CLMN: variants seen among roughly 807,000 people sequenced by gnomAD.
The protein encoded by CLMN is calmin.
A neutral mutation model predicts 92.7 loss-of-function variants in CLMN; 57 were observed. That is an observed-to-expected ratio of 0.61 (90% confidence interval 0.50 to 0.77). CLMN has a LOEUF of 0.77. Ranked by LOEUF, CLMN falls within the 30% of genes least tolerant of loss-of-function variation. CLMN has a pLI of 0.00. For missense variants in CLMN, 1,158 were observed against 1,237.5 expected, an observed-to-expected ratio of 0.94 and a Z score of 0.96; for synonymous variants, 466 against 470.6, an observed-to-expected ratio of 0.99 and a Z score of 0.13.
intron 1 of CLMN, among the ~76,000 whole-genome samples, chr14:95,236,139 T>C (rs952375377): frequency 2.6e-5 from 4 of 152,218 alleles, no homozygotes; most frequent in East Asian, 3.9e-4. Flanking sequence ...GCTGCTCTCA[T>C]GTGGTCCCCG....
Position 95,196,573 on chromosome 14 carries a change from A to T in CLMN, c.2633T>A (p.Leu878Gln). ...TTGAACACTTCCTGGTGCTACAAATAGTGAACTTTCTACGTGGTCCACATG... is the reference window on the plus strand; with the variant it reads ...TTGAACACTTCCTGGTGCTACAAATTGTGAACTTTCTACGTGGTCCACATG... ...RKHVDHVESS[L>Q]FVAPGSVQSS... Residue 878 changes from leucine (L) to glutamine (Q), a missense_variant, in exon 10 of 13, where the codon CTA becomes CAA. By Grantham distance (113) the Leu-to-Gln change is moderately radical (BLOSUM62 -2). Coordinates refer to ENST00000298912, the MANE Select transcript of CLMN (RefSeq NM_024734.4). 6.2e-7 allele frequency: 1 copy of T among 1,614,238 alleles called. No individual in the cohort carries two copies. Among genetic ancestry groups the T allele is most frequent in the Non-Finnish European group, 8.5e-7 (1 of 1,180,042 alleles).
At chr14:95,206,805 G>A (rs1897057432) in intron 8 of CLMN, among the ~76,000 whole-genome samples, 1 of 152,180 alleles carries the variant, frequency 6.6e-6, no homozygotes, top group Admixed American at 6.5e-5. Flanking sequence ...TTTAGCTGTG[G>A]CTTTGACTCA....
chr14:95,314,350 G>A (rs1432777154), intron 1 of CLMN, among the ~76,000 whole-genome samples: 2 of 151,998 alleles, frequency 1.3e-5, no homozygotes, highest in African/African-American at 2.4e-5. Flanking sequence ...TGAATCTCCA[G>A]CACTCCACAG....
rs1166007783 is a variant in CLMN at position 95,186,468 on chromosome 14, A to G, written c.*5096T>C. On this transcript the variant is annotated 3_prime_UTR_variant, in exon 13 of 13. Coordinates refer to ENST00000298912, the MANE Select transcript of CLMN (RefSeq NM_024734.4). ...ACCAGGAAGCCCCGACCACCTGATC[A>G]TCAACTATGGCAAGATACAAACTTC... 2 of 152,242 alleles carry G rather than the reference A, an allele frequency of 1.3e-5. No individual in the cohort carries two copies. The highest frequency in any genetic ancestry group is 2.1e-4 in the South Asian group (1 of 4,836). 9.4% of individuals were successfully genotyped at this position (152,242 alleles called of 1,614,324 possible).
At chr14:95,226,549 A>C (rs1001050268) in intron 2 of CLMN, among the ~76,000 whole-genome samples, 1 of 152,064 alleles carries the variant, frequency 6.6e-6, no homozygotes, top group African/African-American at 2.4e-5. Context: ...AATCTCTGGG[A>C]GCAGGGTCCA....
chr14:95,305,363 TGTC>T (rs1379223947), intron 1 of CLMN, among the ~76,000 whole-genome samples: 1 of 152,200 alleles, frequency 6.6e-6, no homozygotes, highest in Non-Finnish European at 1.5e-5. Flanking sequence ...GCCCCAACCC[TGTC>T]CATCATGACC....
chr14:95,271,203 C>T (rs561808680), intron 1 of CLMN, among the ~76,000 whole-genome samples: 1 of 152,216 alleles, frequency 6.6e-6, no homozygotes, highest in African/African-American at 2.4e-5. Context: ...ATTGTGGATA[C>T]AGTCCCTTAT....
rs754717044 is a variant in CLMN at position 95,209,344 on chromosome 14, G to C, written c.885+51C>G. 3.5e-5 allele frequency: 55 copies of C among 1,551,974 alleles called. 1 individual carries two copies. In the Middle Eastern group the frequency reaches 6.7e-4, roughly 19 times the overall value. On this transcript the variant is annotated intron_variant, in intron 8 of 12. Coordinates refer to ENST00000298912, the MANE Select transcript of CLMN (RefSeq NM_024734.4). Reference sequence around the variant, plus strand: ...ACGTCCCTGCTTCGTCTGATGGCCAGCGGATGGAAATGTATGGTGTCGGAA... The same window carrying C: ...ACGTCCCTGCTTCGTCTGATGGCCACCGGATGGAAATGTATGGTGTCGGAA...
Position 95,185,153 on chromosome 14 carries a change from A to G in CLMN, c.*6411T>C, listed in dbSNP as rs1896412018. On this transcript the variant is annotated 3_prime_UTR_variant, in exon 13 of 13. Coordinates refer to ENST00000298912, the MANE Select transcript of CLMN (RefSeq NM_024734.4). ...GAGGGCAGGTGCTCACGTGGAGCCC[A>G]AAGATACAGGTGTCTGCACACGATG... is the stretch of plus-strand genomic sequence containing the variant. The G allele has an allele frequency of 6.6e-6, 1 of 152,200 alleles. No homozygotes were observed. The highest frequency in any genetic ancestry group is 2.4e-5 in the African/African-American group (1 of 41,430). The allele number at this position is 152,200 out of a possible 1,614,324, so 9.4% of individuals were successfully genotyped here.
At chr14:95,285,269 A>G (rs77524188) in intron 1 of CLMN, among the ~76,000 whole-genome samples, 4,248 of 152,282 alleles carry the variant, frequency 0.028, 68 homozygotes, top group African/African-American at 0.036. Context: ...CTTTATCAGC[A>G]GTGTGAAAAA....
At chr14:95,266,457 A>G (rs1247896368) in intron 1 of CLMN, among the ~76,000 whole-genome samples, 2 of 152,218 alleles carry the variant, frequency 1.3e-5, no homozygotes, top group Non-Finnish European at 2.9e-5. Flanking sequence ...TACAATAGCT[A>G]TAAAAATATA....
intron 1 of CLMN, among the ~76,000 whole-genome samples, chr14:95,279,569 G>C (rs145262589): frequency 1.1e-3 from 163 of 152,370 alleles, no homozygotes; most frequent in African/African-American, 3.6e-3. Context: ...GGATCATGAG[G>C]TCAGGAGATC....
rs28645288 is a variant in CLMN at position 95,197,815 on chromosome 14, T to C, written c.2512-1121A>G. 8.1e-3 allele frequency among the ~76,000 whole-genome samples: 1,236 copies of C among 152,162 alleles called. 16 individuals are homozygous for C. The highest frequency in any genetic ancestry group is 0.028 in the African/African-American group (1,170 of 41,506). ...TCAACAGGTGTCAGAATAAGAGCAT[T>C]AGAGCGGCCAGGCCATTGTGCCCCG... On this transcript the variant is annotated intron_variant, in intron 9 of 12. Transcript: ENST00000298912.
intron 5 of CLMN, among the ~76,000 whole-genome samples, chr14:95,214,138 T>C (rs1220454895): frequency 6.6e-6 from 1 of 151,968 alleles, no homozygotes; most frequent in Non-Finnish European, 1.5e-5. Context: ...TAAAGGGTCA[T>C]GAGGGCAGGG....
At chr14:95,264,489 C>T (rs1899389780) in intron 1 of CLMN, among the ~76,000 whole-genome samples, 1 of 152,136 alleles carries the variant, frequency 6.6e-6, no homozygotes, top group South Asian at 2.1e-4. Context: ...CCACCATGCT[C>T]AGTACAGAGG....
At position 95,194,210 on chromosome 14, in the gene CLMN, C is replaced by A; in HGVS notation, c.2770-291G>T. 1 of 1,393,430 alleles carries A rather than the reference C, an allele frequency of 7.2e-7. No individual in the cohort carries two copies. The highest frequency in any genetic ancestry group is 9.3e-7 in the Non-Finnish European group (1 of 1,077,800). The allele number at this position is 1,393,430 out of a possible 1,614,324, so 86.3% of individuals were successfully genotyped here. On this transcript the variant is annotated intron_variant, in intron 11 of 12. Coordinates refer to ENST00000298912, the MANE Select transcript of CLMN (RefSeq NM_024734.4). This position sits in a 1 kb window ranked among gnomAD's most constrained non-coding sequence, Gnocchi z 4.0. ...CTACTGAGCACGTGCCACTGTCCAT[C>A]GGACCTTGACTCATGTTGCACCTCT...
chr14:95,195,570 T>G (rs982325052), intron 10 of CLMN, among the ~76,000 whole-genome samples: 2 of 152,238 alleles, frequency 1.3e-5, no homozygotes, highest in African/African-American at 4.8e-5. Context: ...CAGCTTGTAT[T>G]ACATCATCAC....
intron 1 of CLMN, among the ~76,000 whole-genome samples, chr14:95,292,047 C>T (rs1566917239): frequency 1.3e-5 from 2 of 152,226 alleles, no homozygotes; most frequent in Non-Finnish European, 1.5e-5. Flanking sequence ...CATCTGGCCT[C>T]ACTGCAAGCC....
chr14:95,224,809 G>A (rs1897661210), intron 2 of CLMN, among the ~76,000 whole-genome samples: 1 of 152,180 alleles, frequency 6.6e-6, no homozygotes, highest in South Asian at 2.1e-4. Flanking sequence ...GACTGCTTTA[G>A]TCTTCAAGTG....
Sources: allele counts gnomAD v4.1 joint callset (sites outside exome capture counted in the v4.1 genomes callset), GRCh38; gene constraint gnomAD v4.1.1; non-coding constraint Gnocchi (gnomAD v3.1); transcripts MANE v1.5; gene names NCBI Gene and HGNC (gene_info 2026-07-23, HGNC 2026-07-21).